The following DAB1 variants were observed in gnomAD, a reference collection of about 807,000 sequenced individuals.
DAB1 encodes disabled homolog 1.
DAB1 carries 15 observed loss-of-function variants against 64.6 expected under a neutral mutation model. The ratio of observed to expected loss-of-function variants is 0.23; its 90% CI spans 0.16 to 0.36. The LOEUF is 0.36. Ranked by LOEUF, DAB1 falls within the 10% of genes least tolerant of loss-of-function variation. DAB1 has a pLI of 1.00. For missense variants in DAB1, 596 were observed against 706.7 expected, an observed-to-expected ratio of 0.84 and a Z score of 1.78; for synonymous variants, 235 against 251.9, an observed-to-expected ratio of 0.93 and a Z score of 0.64.
At chr1:57,076,020 G>A (rs1217991606) in intron 4 of DAB1, among the ~76,000 whole-genome samples, 1 of 152,186 alleles carries the variant, frequency 6.6e-6, no homozygotes, top group African/African-American at 2.4e-5. Flanking sequence ...TTGGGGTAAA[G>A]GCTGGCCACT....
rs1172461783 is a variant in DAB1 at position 58,300,643 on chromosome 1, AGAGAGGAAGGAAGG to A, written n.309+42695_309+42708del. 6.1e-4 allele frequency among the ~76,000 whole-genome samples: 33 copies of A among 54,034 alleles called. 2 individuals carry two copies. The highest frequency in any genetic ancestry group is 3.9e-3 in the East Asian group (5 of 1,286). The allele number at this position is 54,034 out of a possible 152,430, so 35.4% of individuals were successfully genotyped here. On this transcript the variant is annotated intron_variant and non_coding_transcript_variant, in intron 4 of 20. Transcript: ENST00000485760. ...GAGAGAGAGAGAGAGAGAGAGAGAG[AGAGAGGAAGGAAGG>A]AAGGAAGGAAGGAAGGAAGGAAGGA...
chr1:58,469,209 A>T (rs554857562), intron 3 of DAB1, among the ~76,000 whole-genome samples: 10 of 152,322 alleles, frequency 6.6e-5, no homozygotes, highest in African/African-American at 2.4e-4. Flanking sequence ...AGGCTTTGGA[A>T]TCACACAGAC....
chr1:58,430,475 G>C (rs371850054), intron 3 of DAB1, among the ~76,000 whole-genome samples: 1 of 152,140 alleles, frequency 6.6e-6, no homozygotes, highest in East Asian at 1.9e-4. Flanking sequence ...ACAAGAAGAA[G>C]AACTGGAAAG....
intron 6 of DAB1, among the ~76,000 whole-genome samples, chr1:57,675,930 G>C (rs1021853778): frequency 1.3e-5 from 2 of 152,116 alleles, no homozygotes; most frequent in Non-Finnish European, 2.9e-5. Flanking sequence ...GGCTGGAAGG[G>C]ACAGACAGCT....
chr1:57,135,582 T>A (rs570060516), intron 4 of DAB1, among the ~76,000 whole-genome samples: 3 of 152,220 alleles, frequency 2.0e-5, no homozygotes, highest in African/African-American at 7.2e-5. Context: ...CAAATATCCA[T>A]TCTATTACTA....
intron 5 of DAB1, among the ~76,000 whole-genome samples, chr1:58,001,313 G>C (rs552259473): frequency 2.0e-5 from 3 of 152,086 alleles, no homozygotes; most frequent in Non-Finnish European, 4.4e-5. Flanking sequence ...ACCCAGGCTG[G>C]AGTGCAGTGG....
chr1:57,658,330 G>T (rs1332117557), intron 6 of DAB1, among the ~76,000 whole-genome samples: 16 of 144,760 alleles, frequency 1.1e-4, no homozygotes, highest in African/African-American at 4.1e-4. Context: ...TTTTGAGATG[G>T]AGTCTCACTG....
intron 1 of DAB1, among the ~76,000 whole-genome samples, chr1:58,537,266 T>C (rs374051829): frequency 4.7e-4 from 71 of 152,268 alleles, no homozygotes; most frequent in African/African-American, 1.6e-3. Context: ...TAAATAATTA[T>C]GTAAGAGGTT....
At chr1:58,012,572 G>C (rs1646683288) in intron 5 of DAB1, among the ~76,000 whole-genome samples, 1 of 152,104 alleles carries the variant, frequency 6.6e-6, no homozygotes, top group Admixed American at 6.6e-5. Flanking sequence ...TTAGGAAGTG[G>C]GGCCTTTAGG....
At chr1:58,056,741 C>A (rs1648135548) in intron 5 of DAB1, among the ~76,000 whole-genome samples, 1 of 152,148 alleles carries the variant, frequency 6.6e-6, no homozygotes, top group Admixed American at 6.5e-5. Context: ...TGAGGTAAGC[C>A]AACAGGTTCT....
At chr1:57,478,586 CTTTTTTTTTTTT>C (rs35538831) in intron 7 of DAB1, among the ~76,000 whole-genome samples, 1 of 81,218 alleles carries the variant, frequency 1.2e-5, no homozygotes, top group East Asian at 3.6e-4. Context: ...TATTCCCATT[CTTTTTTTTTTTT>C]TTTTTTTTTT....
intron 7 of DAB1, among the ~76,000 whole-genome samples, chr1:57,550,329 GGAGT>G: frequency 6.6e-6 from 1 of 152,222 alleles, no homozygotes; most frequent in South Asian, 2.1e-4. Context: ...CATGATCACT[GGAGT>G]GCTATAAACA....
At chr1:58,401,480 CA>C (rs1296647591) in intron 3 of DAB1, among the ~76,000 whole-genome samples, 4 of 152,200 alleles carry the variant, frequency 2.6e-5, no homozygotes, top group Non-Finnish European at 5.9e-5. Context: ...ATCCTCTCCC[CA>C]GCACATCATA....
At chr1:58,401,225 G>A (rs563272272) in intron 3 of DAB1, among the ~76,000 whole-genome samples, 2 of 152,322 alleles carry the variant, frequency 1.3e-5, no homozygotes, top group East Asian at 3.9e-4. Context: ...GAAGACCCAA[G>A]TGTGATCTTC....
chr1:57,553,384 GAGAAAGAA>G (rs775593744), intron 7 of DAB1, among the ~76,000 whole-genome samples: 200 of 6,962 alleles, frequency 0.029, 7 homozygotes, highest in African/African-American at 0.033. Context: ...AAGGAAGAAA[GAGAAAGAA>G]AGAAAGAAAG....
At chr1:57,010,320 C>T (rs1013358308) in intron 14 of DAB1, among the ~76,000 whole-genome samples, 1 of 152,208 alleles carries the variant, frequency 6.6e-6, no homozygotes, top group Non-Finnish European at 1.5e-5. Context: ...ATTCTATCAC[C>T]ACCAACCACG....
At chr1:57,183,940 T>C (rs930729657) in intron 2 of DAB1, among the ~76,000 whole-genome samples, 2 of 152,114 alleles carry the variant, frequency 1.3e-5, no homozygotes, top group Non-Finnish European at 2.9e-5. Context: ...GAAAAGGACA[T>C]AGAGGATATC....
chr1:57,026,396 G>T (rs1310242877), intron 9 of DAB1, among the ~76,000 whole-genome samples: 2 of 152,048 alleles, frequency 1.3e-5, no homozygotes, highest in Non-Finnish European at 2.9e-5. Flanking sequence ...TCCCATCATT[G>T]GTTTTTCTCT....
At chr1:57,960,828 A>C (rs753139306) in intron 5 of DAB1, among the ~76,000 whole-genome samples, 3 of 152,266 alleles carry the variant, frequency 2.0e-5, no homozygotes, top group Non-Finnish European at 4.4e-5. Flanking sequence ...CCATGCAGGC[A>C]TGAGGAGAAC....
Sources: gnomAD v4.1 joint callset for allele counts (sites outside exome capture counted in the v4.1 genomes callset) on GRCh38, gnomAD v4.1.1 for gene constraint, MANE v1.5 for transcripts, NCBI Gene and HGNC (gene_info 2026-07-23, HGNC 2026-07-21) for gene names.